The following LHFPL3 variants were observed in gnomAD, a reference collection of about 807,000 sequenced individuals.
LHFPL3 encodes the protein LHFPL tetraspan subfamily member 3.
In LHFPL3, 5 loss-of-function variants were observed where a neutral mutation model predicts 19.3. That is an observed-to-expected ratio of 0.26 (90% CI 0.14 to 0.54). LHFPL3 has a LOEUF of 0.54. LHFPL3 is among the 20% of genes least tolerant of loss of function. The pLI, the probability that LHFPL3 is intolerant of heterozygous loss-of-function variation, is 0.94. For synonymous variants in LHFPL3, 133 were observed against 126.2 expected (o/e 1.05, Z -0.36); for missense variants, 249 against 307.4 (o/e 0.81, Z 1.42).
chr7:104,692,360 T>C (rs1299717039), intron 1 of LHFPL3, among the ~76,000 whole-genome samples: 1 of 152,154 alleles, frequency 6.6e-6, no homozygotes, highest in Middle Eastern at 3.2e-3. Flanking sequence ...ACCAAGACAA[T>C]GGGGAAATTG....
At chr7:104,778,172 T>C (rs1794662270) in intron 2 of LHFPL3, among the ~76,000 whole-genome samples, 1 of 152,192 alleles carries the variant, frequency 6.6e-6, no homozygotes, top group African/African-American at 2.4e-5. Context: ...ATCTTTCATA[T>C]GCTTTTAGAA....
chr7:104,330,016 C>G (rs527794054), intron 1 of LHFPL3, among the ~76,000 whole-genome samples: 1 of 151,772 alleles, frequency 6.6e-6, no homozygotes, highest in South Asian at 2.1e-4. Context: ...TTAGCATCTC[C>G]GATCACTCTT....
At chr7:104,607,746 C>T (rs1562948713) in intron 1 of LHFPL3, among the ~76,000 whole-genome samples, 1 of 152,082 alleles carries the variant, frequency 6.6e-6, no homozygotes, top group Non-Finnish European at 1.5e-5. Flanking sequence ...GCAACCTACT[C>T]ATCTGACAAA....
chr7:104,837,420 G>A (rs1791117597), intron 2 of LHFPL3, among the ~76,000 whole-genome samples: 2 of 152,076 alleles, frequency 1.3e-5, no homozygotes, highest in African/African-American at 2.4e-5. Flanking sequence ...TTTATCTTCC[G>A]CACTAAACTA....
intron 1 of LHFPL3, among the ~76,000 whole-genome samples, chr7:104,709,000 C>T (rs974015458): frequency 5.3e-5 from 8 of 151,850 alleles, no homozygotes; most frequent in Admixed American, 4.6e-4. Flanking sequence ...TTAGGTCTGG[C>T]CATGCAAAAA....
intron 2 of LHFPL3, among the ~76,000 whole-genome samples, chr7:104,830,309 T>C (rs1486986552): frequency 1.3e-5 from 2 of 151,950 alleles, no homozygotes; most frequent in African/African-American, 2.4e-5. Flanking sequence ...GTAGTTTCTT[T>C]TGCTGTGCAG....
At chr7:104,531,191 CAAT>C (rs1794287700) in intron 1 of LHFPL3, among the ~76,000 whole-genome samples, 1 of 152,150 alleles carries the variant, frequency 6.6e-6, no homozygotes, top group South Asian at 2.1e-4. Flanking sequence ...TTTCTATCAA[CAAT>C]GAGTTCTTTT....
chr7:104,741,400 A>T (rs1375910795), intron 2 of LHFPL3, among the ~76,000 whole-genome samples: 2 of 149,920 alleles, frequency 1.3e-5, no homozygotes, highest in Non-Finnish European at 3.0e-5. Context: ...GAAAACCTTT[A>T]TAAGAGATAA....
At chr7:104,570,188 T>G (rs1296356501) in intron 1 of LHFPL3, among the ~76,000 whole-genome samples, 1 of 152,200 alleles carries the variant, frequency 6.6e-6, no homozygotes, top group African/African-American at 2.4e-5. Context: ...GCCCAGTCTA[T>G]ATTGATTGAT....
chr7:104,457,334 T>C (rs1792566426), intron 1 of LHFPL3, among the ~76,000 whole-genome samples: 1 of 151,652 alleles, frequency 6.6e-6, no homozygotes, highest in African/African-American at 2.4e-5. Flanking sequence ...GTGTTCTCGT[T>C]GTTCAATTCC....
At chr7:104,769,377 TAAAG>T (rs1465695636) in intron 2 of LHFPL3, among the ~76,000 whole-genome samples, 1 of 152,226 alleles carries the variant, frequency 6.6e-6, no homozygotes, top group Non-Finnish European at 1.5e-5. Context: ...GTAGGATTGT[TAAAG>T]AAAGTATACA....
intron 1 of LHFPL3, among the ~76,000 whole-genome samples, chr7:104,372,353 G>C (rs939884642): frequency 6.6e-6 from 1 of 152,200 alleles, no homozygotes; most frequent in Non-Finnish European, 1.5e-5. Context: ...ACCAACAGGA[G>C]CAGTGAATCT....
intron 1 of LHFPL3, among the ~76,000 whole-genome samples, chr7:104,637,062 T>G (rs185260138): frequency 6.6e-6 from 1 of 152,346 alleles, no homozygotes; most frequent in East Asian, 1.9e-4. Flanking sequence ...TTTTGACTTT[T>G]TAATATTAAC....
chr7:104,607,713 C>A (rs570449039), intron 1 of LHFPL3, among the ~76,000 whole-genome samples: 2 of 152,048 alleles, frequency 1.3e-5, no homozygotes, highest in East Asian at 3.9e-4. Context: ...AATAGGCAAC[C>A]TACAAAATGG....
intron 1 of LHFPL3, among the ~76,000 whole-genome samples, chr7:104,471,836 T>G (rs919559602): frequency 3.3e-5 from 5 of 152,244 alleles, no homozygotes; most frequent in Non-Finnish European, 5.9e-5. Flanking sequence ...TGAGAAATAT[T>G]ACACTGAAGT....
At chr7:104,686,948 A>C (rs1792816330) in intron 1 of LHFPL3, among the ~76,000 whole-genome samples, 1 of 152,216 alleles carries the variant, frequency 6.6e-6, no homozygotes, top group Non-Finnish European at 1.5e-5. Flanking sequence ...CTCTCATGAG[A>C]ACTCACTCAG....
At chr7:104,893,501 G>A (rs1351026636) in intron 2 of LHFPL3, among the ~76,000 whole-genome samples, 1 of 151,432 alleles carries the variant, frequency 6.6e-6, no homozygotes, top group Non-Finnish European at 1.5e-5. Context: ...CAGCCTGGGT[G>A]ACAGAGCAAG....
intron 1 of LHFPL3, among the ~76,000 whole-genome samples, chr7:104,480,004 A>G (rs1793099873): frequency 6.6e-6 from 1 of 152,336 alleles, no homozygotes; most frequent in Non-Finnish European, 1.5e-5. Context: ...TTTAGGATGA[A>G]GGTTATGATG....
intron 1 of LHFPL3, among the ~76,000 whole-genome samples, chr7:104,457,175 T>A (rs542621481): frequency 6.6e-6 from 1 of 152,234 alleles, no homozygotes; most frequent in East Asian, 1.9e-4. Flanking sequence ...ATGTGCAGGT[T>A]AGTTACATAT....
Sources: gnomAD v4.1 joint callset for allele counts (sites outside exome capture counted in the v4.1 genomes callset) on GRCh38, gnomAD v4.1.1 for gene constraint, MANE v1.5 for transcripts, NCBI Gene and HGNC (gene_info 2026-07-23, HGNC 2026-07-21) for gene names.